The following NLGN1 variants were observed in gnomAD, a reference collection of about 807,000 sequenced individuals.
NLGN1 encodes the protein neuroligin 1, also known as neuroligin-1.
Under a neutral mutation model 65.5 loss-of-function variants are expected in NLGN1, and 12 were observed. The observed-to-expected ratio is 0.18, with a 90% CI of 0.12 to 0.30. The LOEUF (loss-of-function observed/expected upper bound fraction) is 0.30. Among genes scored for constraint, NLGN1 ranks in the 10% least tolerant of loss-of-function variants. The probability of loss-of-function intolerance (pLI) is 1.00; values close to 1 mark genes in which losing one functional copy is unlikely to be tolerated. For missense variants in NLGN1, 750 were observed against 1,007.1 expected, an observed-to-expected ratio of 0.74 and a Z score of 3.46; for synonymous variants, 350 against 359.5, an observed-to-expected ratio of 0.97 and a Z score of 0.30.
intron 2 of NLGN1, among the ~76,000 whole-genome samples, chr3:173,517,795 T>TATCTATC (rs1734082679): frequency 7.0e-6 from 1 of 142,618 alleles, no homozygotes; most frequent in Admixed American, 6.8e-5. Flanking sequence ...TCTATCTATC[T>TATCTATC]ATCTATCATA....
intron 2 of NLGN1, among the ~76,000 whole-genome samples, chr3:173,562,481 C>T (rs184965022): frequency 8.6e-5 from 13 of 151,846 alleles, no homozygotes; most frequent in African/African-American, 2.7e-4. Context: ...GCAGGGGAAT[C>T]GCTTGAACCC....
At chr3:174,159,254 C>G (rs1726047736) in intron 4 of NLGN1, among the ~76,000 whole-genome samples, 1 of 151,734 alleles carries the variant, frequency 6.6e-6, no homozygotes, top group Admixed American at 6.6e-5. Context: ...TTTTTTTACT[C>G]TTAATATCTA....
At chr3:173,499,408 G>A (rs1402559364) in intron 2 of NLGN1, among the ~76,000 whole-genome samples, 11 of 151,810 alleles carry the variant, frequency 7.2e-5, no homozygotes, top group Non-Finnish European at 1.5e-4. Flanking sequence ...TGTTCCATTG[G>A]TCTATATCTC....
chr3:173,648,875 C>A (rs1051056012), intron 3 of NLGN1, among the ~76,000 whole-genome samples: 2 of 151,942 alleles, frequency 1.3e-5, no homozygotes, highest in East Asian at 1.9e-4. Context: ...ACGCTCAGCC[C>A]TACTATAAGA....
chr3:173,580,198 T>A (rs1746176245), intron 2 of NLGN1, among the ~76,000 whole-genome samples: 1 of 152,154 alleles, frequency 6.6e-6, no homozygotes. Context: ...CTCCTCTATT[T>A]GTTATGAAAA....
chr3:174,147,995 C>T (rs1292727779), intron 4 of NLGN1, among the ~76,000 whole-genome samples: 3 of 152,144 alleles, frequency 2.0e-5, no homozygotes, highest in African/African-American at 7.2e-5. Flanking sequence ...GCCCCAATTA[C>T]CAACATTCTG....
intron 4 of NLGN1, among the ~76,000 whole-genome samples, chr3:174,161,735 A>G (rs1726564475): frequency 6.6e-6 from 1 of 151,940 alleles, no homozygotes; most frequent in Non-Finnish European, 1.5e-5. Flanking sequence ...TTCCAGTTGC[A>G]GTGATCTGGT....
intron 4 of NLGN1, among the ~76,000 whole-genome samples, chr3:174,241,632 C>T (rs925398700): frequency 1.3e-5 from 2 of 151,768 alleles, no homozygotes; most frequent in African/African-American, 2.4e-5. Flanking sequence ...AATCCCTACC[C>T]CCCAACATCC....
chr3:173,563,845 G>T (rs148834491), intron 2 of NLGN1, among the ~76,000 whole-genome samples: 1 of 152,110 alleles, frequency 6.6e-6, no homozygotes. Context: ...TCGTCTTCCT[G>T]TTTCCATCTT....
At chr3:173,475,256 A>G (rs953782093) in intron 2 of NLGN1, among the ~76,000 whole-genome samples, 4 of 152,170 alleles carry the variant, frequency 2.6e-5, no homozygotes, top group African/African-American at 9.7e-5. Context: ...CTATTTATAC[A>G]TGAATAACAA....
intron 1 of NLGN1, among the ~76,000 whole-genome samples, chr3:173,415,884 G>A (rs1713599481): frequency 2.4e-5 from 3 of 126,356 alleles, no homozygotes; most frequent in Non-Finnish European, 4.9e-5. Context: ...AACATTGCAA[G>A]GAGTAAATAT....
chr3:173,493,828 A>AATAT lies in NLGN1; in HGVS notation c.-321+58760_-321+58763dup, dbSNP rs540770877. On this transcript the variant is annotated intron_variant, in intron 2 of 6. Transcript: ENST00000457714. Reference sequence around the variant, plus strand: ...TTGACATGTGTAAATGATTTAATTGAATATATATATATAGAGAGAGAGTAT... The same window carrying AATAT: ...TTGACATGTGTAAATGATTTAATTGAATATATATATATATATAGAGAGAGAGTAT... Among the ~76,000 whole-genome samples, 5 of 150,100 alleles carry AATAT rather than the reference A, an allele frequency of 3.3e-5. 1 individual carries two copies. The highest frequency in any genetic ancestry group is 7.4e-5 in the African/African-American group (3 of 40,566).
chr3:173,582,834 C>A lies in NLGN1; in HGVS notation c.-320-21445C>A, dbSNP rs372513010. Among the ~76,000 whole-genome samples the A allele has an allele frequency of 1.6e-4, 24 of 152,054 alleles. 1 individual carries two copies. Among genetic ancestry groups the A allele is most frequent in the East Asian group, 1.3e-3 (7 of 5,194 alleles). On this transcript the variant is annotated intron_variant, in intron 2 of 6. Coordinates refer to ENST00000457714, the Ensembl canonical transcript of NLGN1. The stretch of plus-strand genomic sequence containing the variant: ...GTTGTTTAGTAAACCTTTCTGTTCT[C>A]ATCTACCCAAAATCATAAAGCTATT...
At chr3:173,622,795 T>C (rs917558865) in intron 3 of NLGN1, among the ~76,000 whole-genome samples, 2 of 152,074 alleles carry the variant, frequency 1.3e-5, no homozygotes, top group Non-Finnish European at 2.9e-5. Context: ...AAATCAACAG[T>C]TTCCACAATG....
intron 4 of NLGN1, among the ~76,000 whole-genome samples, chr3:174,094,746 T>TAACA (rs1745148779): frequency 1.1e-5 from 1 of 88,908 alleles, no homozygotes; most frequent in South Asian, 4.5e-4. Context: ...TTGGCTCCGC[T>TAACA]AAAAAAAAAA....
In NLGN1 at chr3:173,605,042, C is replaced by T. The variant is rs991080874; in HGVS notation, c.444C>T (p.Asp148=). ...ATGTGGTTTCATCATATGTGCAAGA[C>T]CAGAGCGAAGACTGCCTATATTTAA... The change falls in exon 3 of 7, where the codon GAC becomes GAT. Residue 148 remains aspartate (D), a synonymous_variant. Transcript: ENST00000457714. 3 of 1,612,826 alleles carry T rather than the reference C, an allele frequency of 1.9e-6. No homozygotes were observed. In the African/African-American group the frequency reaches 4.0e-5, roughly 22 times the overall value.
intron 3 of NLGN1, among the ~76,000 whole-genome samples, chr3:173,758,445 T>C (rs1382313297): frequency 1.3e-5 from 2 of 152,066 alleles, no homozygotes; most frequent in African/African-American, 2.4e-5. Context: ...AGAATGTGAT[T>C]AGAATTTAAA....
chr3:174,107,222 C>T (rs1714135300), intron 4 of NLGN1, among the ~76,000 whole-genome samples: 1 of 152,052 alleles, frequency 6.6e-6, no homozygotes, highest in Non-Finnish European at 1.5e-5. Flanking sequence ...AGGTAAAGAA[C>T]ACTACCATCA....
intron 2 of NLGN1, among the ~76,000 whole-genome samples, chr3:173,576,552 T>C (rs1044204755): frequency 6.6e-6 from 1 of 152,186 alleles, no homozygotes; most frequent in African/African-American, 2.4e-5. Flanking sequence ...CATCTTCAAA[T>C]CTACCTGACT....
Sources: gnomAD v4.1 joint callset for allele counts (sites outside exome capture counted in the v4.1 genomes callset) on GRCh38, gnomAD v4.1.1 for gene constraint, MANE v1.5 for transcripts, NCBI Gene and HGNC (gene_info 2026-07-23, HGNC 2026-07-21) for gene names.